Variants in XRN1 observed in about 807,000 individuals in gnomAD.
The protein encoded by XRN1 is strand-exchange protein 1 homolog.
Under a neutral mutation model 222.3 loss-of-function variants are expected in XRN1, and 67 were observed. The ratio of observed to expected loss-of-function variants is 0.30; its 90% CI spans 0.25 to 0.37. The LOEUF is 0.37. Among genes scored for constraint, XRN1 ranks in the 10% least tolerant of loss-of-function variants. XRN1 has a pLI of 1.00. For missense variants in XRN1, 1,707 were observed against 2,000.2 expected (o/e 0.85, Z 2.80); for synonymous variants, 643 against 652.4 (o/e 0.99, Z 0.22).
intron 13 of XRN1, among the ~76,000 whole-genome samples, chr3:142,416,713 G>A (rs1418716650): frequency 1.3e-5 from 2 of 151,990 alleles, no homozygotes; most frequent in Non-Finnish European, 2.9e-5. Context: ...ATTTAAACCT[G>A]GTTGTATGGA....
chr3:142,326,968 AC>A (rs2065534523), intron 37 of XRN1, among the ~76,000 whole-genome samples: 1 of 152,182 alleles, frequency 6.6e-6, no homozygotes, highest in Admixed American at 6.5e-5. Context: ...GATGAATCCC[AC>A]TTGATCATGA....
intron 30 of XRN1, among the ~76,000 whole-genome samples, chr3:142,357,880 A>G (rs2066506857): frequency 6.6e-6 from 1 of 152,130 alleles, no homozygotes. Flanking sequence ...TATTAAAAAT[A>G]CAAAAAAATT....
intron 23 of XRN1, 27 bp from the exon 24 acceptor site, chr3:142,376,621 A>G: frequency 1.3e-6 from 2 of 1,496,296 alleles, no homozygotes; most frequent in South Asian, 2.4e-5. Flanking sequence ...AAAAAGGTCA[A>G]TTATGGAAAC....
intron 23 of XRN1, among the ~76,000 whole-genome samples, chr3:142,376,860 T>C (rs2067158659): frequency 6.6e-6 from 1 of 152,098 alleles, no homozygotes; most frequent in Admixed American, 6.6e-5. Context: ...TGTGAAACTG[T>C]CTTAAGAAAT....
chr3:142,383,440 T>C, intron 21 of XRN1, 27 bp from the exon 22 acceptor site: 2 of 1,567,866 alleles, frequency 1.3e-6, no homozygotes, highest in South Asian at 2.3e-5. Flanking sequence ...TAAATAATCT[T>C]AGTCATAATT....
intron 32 of XRN1, among the ~76,000 whole-genome samples, chr3:142,348,220 T>C (rs1456425381): frequency 1.3e-5 from 2 of 152,178 alleles, no homozygotes; most frequent in East Asian, 3.9e-4. Flanking sequence ...ATTTATCATT[T>C]CTGGCTCTAC....
chr3:142,384,271 C>CAAAAAAAA (rs369012282), intron 21 of XRN1, among the ~76,000 whole-genome samples: 1 of 52,684 alleles, frequency 1.9e-5, no homozygotes, highest in Admixed American at 2.1e-4. Context: ...GACTCTGTCT[C>CAAAAAAAA]AAAAAAAAAA....
intron 37 of XRN1, among the ~76,000 whole-genome samples, chr3:142,323,296 T>G (rs951596384): frequency 1.3e-5 from 2 of 149,328 alleles, no homozygotes; most frequent in African/African-American, 4.9e-5. Flanking sequence ...TTTTTTTTGT[T>G]TTTTTTTTTT....
chr3:142,389,856 C>T (rs1339109159), intron 20 of XRN1, among the ~76,000 whole-genome samples: 2 of 152,170 alleles, frequency 1.3e-5, no homozygotes, highest in African/African-American at 4.8e-5. Flanking sequence ...CTTGAAAGTT[C>T]AAAGTACTCC....
intron 16 of XRN1, among the ~76,000 whole-genome samples, chr3:142,404,448 A>T (rs1350109327): frequency 1.3e-5 from 2 of 152,168 alleles, no homozygotes; most frequent in Non-Finnish European, 2.9e-5. Flanking sequence ...GAGAAGAGAA[A>T]AAAAAGGAAG....
intron 15 of XRN1, among the ~76,000 whole-genome samples, chr3:142,406,566 A>G (rs2068348283): frequency 1.3e-5 from 2 of 152,140 alleles, no homozygotes; most frequent in South Asian, 4.1e-4. Flanking sequence ...TTGCTCTGAC[A>G]CCCATGCTGG....
chr3:142,316,145 T>G (rs1033138870), intron 39 of XRN1, among the ~76,000 whole-genome samples: 2 of 152,116 alleles, frequency 1.3e-5, no homozygotes, highest in African/African-American at 4.8e-5. Context: ...TTTCTTTTCT[T>G]GTAAAAAGAG....
At chr3:142,320,634 C>G (rs2065327934) in intron 37 of XRN1, among the ~76,000 whole-genome samples, 1 of 151,996 alleles carries the variant, frequency 6.6e-6, no homozygotes, top group African/African-American at 2.4e-5. Context: ...TTGTCTAGGC[C>G]AATGTCCAGA....
chr3:142,400,349 T>C (rs547312467), intron 19 of XRN1, 95 bp downstream of exon 19: 42 of 1,002,996 alleles, frequency 4.2e-5, no homozygotes, highest in Middle Eastern at 2.2e-4. Flanking sequence ...ATGTTCTTAA[T>C]ATAATTTTGT....
intron 27 of XRN1, among the ~76,000 whole-genome samples, chr3:142,369,281 G>A (rs1479027159): frequency 1.3e-5 from 2 of 152,104 alleles, no homozygotes; most frequent in Non-Finnish European, 2.9e-5. Flanking sequence ...AAAAGAAAGC[G>A]AGACGTAAGA....
At chr3:142,372,292 A>C (rs2067011604) in intron 25 of XRN1, among the ~76,000 whole-genome samples, 1 of 152,128 alleles carries the variant, frequency 6.6e-6, no homozygotes, top group South Asian at 2.1e-4. Context: ...TGAAAGCATA[A>C]ATACTATACA....
At chr3:142,352,822 T>C (rs2066347372) in intron 32 of XRN1, among the ~76,000 whole-genome samples, 1 of 152,162 alleles carries the variant, frequency 6.6e-6, no homozygotes, top group African/African-American at 2.4e-5. Context: ...TTTTGTATTG[T>C]TTGTAGAGAT....
intron 20 of XRN1, among the ~76,000 whole-genome samples, chr3:142,385,641 C>A (rs533844598): frequency 6.6e-6 from 1 of 152,212 alleles, no homozygotes; most frequent in South Asian, 2.1e-4. Flanking sequence ...TTACTATTTG[C>A]CCTTTACAGA....
chr3:142,312,568 TA>T (rs1217482562), intron 40 of XRN1, 29 bp downstream of exon 40: 5 of 1,498,084 alleles, frequency 3.3e-6, no homozygotes, highest in Non-Finnish European at 4.5e-6. Context: ...ATTAAACAAA[TA>T]ATTATCTTAA....
Sources: allele counts gnomAD v4.1 joint callset (sites outside exome capture counted in the v4.1 genomes callset), GRCh38; gene constraint gnomAD v4.1.1; transcripts MANE v1.5; gene names NCBI Gene and HGNC (gene_info 2026-07-23, HGNC 2026-07-21).